RAPGEF1: variants seen among roughly 807,000 people sequenced by gnomAD.
RAPGEF1 encodes the protein CRK SH3-binding GNRP.
Under a neutral mutation model 143.3 loss-of-function variants are expected in RAPGEF1, and 33 were observed. The ratio of observed to expected loss-of-function variants is 0.23; its 90% CI spans 0.17 to 0.31. The LOEUF (loss-of-function observed/expected upper bound fraction) is 0.31. Ranked by LOEUF, RAPGEF1 falls within the 10% of genes least tolerant of loss-of-function variation. The pLI is 1.00. For missense variants in RAPGEF1, 1,199 were observed against 1,645.4 expected (o/e 0.73, Z 4.69); for synonymous variants, 629 against 676.5 (o/e 0.93, Z 1.09).
chr9:131,640,116 C>T (rs996400936), intron 4 of RAPGEF1, among the ~76,000 whole-genome samples: 2 of 152,232 alleles, frequency 1.3e-5, no homozygotes, highest in African/African-American at 4.8e-5. Context: ...GAACTACTCT[C>T]TTAGGAAAGA....
intron 1 of RAPGEF1, among the ~76,000 whole-genome samples, chr9:131,672,720 T>G (rs1040469770): frequency 1.3e-5 from 2 of 152,186 alleles, no homozygotes; most frequent in African/African-American, 4.8e-5. Context: ...AGTTCTAATC[T>G]CATCTCAGAT....
intron 1 of RAPGEF1, among the ~76,000 whole-genome samples, chr9:131,664,900 G>A (rs1040817358): frequency 3.3e-5 from 5 of 152,106 alleles, no homozygotes; most frequent in African/African-American, 4.8e-5. Context: ...CATAACTTCT[G>A]TTTTATCCCT....
intron 15 of RAPGEF1, among the ~76,000 whole-genome samples, chr9:131,599,496 G>A (rs1034694794): frequency 5.3e-5 from 8 of 151,588 alleles, no homozygotes; most frequent in East Asian, 1.9e-4. Flanking sequence ...AAGCCCAGAA[G>A]GGTACCATGA....
At chr9:131,681,922 C>T (rs1324392627) in intron 1 of RAPGEF1, among the ~76,000 whole-genome samples, 1 of 152,164 alleles carries the variant, frequency 6.6e-6, no homozygotes, top group Non-Finnish European at 1.5e-5. Context: ...GATTCGGCTG[C>T]TCAGGATATA....
intron 1 of RAPGEF1, among the ~76,000 whole-genome samples, chr9:131,703,412 G>A (rs1834813994): frequency 6.6e-6 from 1 of 152,122 alleles, no homozygotes; most frequent in Non-Finnish European, 1.5e-5. Flanking sequence ...AAAATTAAAT[G>A]TAACTTCTCT....
Position 131,577,783 on chromosome 9 carries a change from C to CCCGCAAGACCA in RAPGEF1, c.*1703_*1713dup, listed in dbSNP as rs1951365880. The CCCGCAAGACCA allele has an allele frequency of 6.6e-6, 1 of 152,172 alleles. No homozygotes were observed. The highest frequency in any genetic ancestry group is 1.5e-5 in the Non-Finnish European group (1 of 68,050). 9.4% of individuals were successfully genotyped at this position (152,172 alleles called of 1,614,324 possible). ...AATAAAGTGACAGGTCCCGGCTGGC[C>CCCGCAAGACCA]CCGCAAGACCACCGCAAGAGGGGGT... On this transcript the variant is annotated 3_prime_UTR_variant, in exon 27 of 27. Coordinates refer to ENST00000683357, the MANE Select transcript of RAPGEF1 (RefSeq NM_001377935.1).
chr9:131,624,896 TGAG>T (rs1962477778), intron 10 of RAPGEF1, among the ~76,000 whole-genome samples: 2 of 152,214 alleles, frequency 1.3e-5, no homozygotes, highest in Admixed American at 1.3e-4. Flanking sequence ...CAACACCCAC[TGAG>T]GAGCTGGGGA....
At chr9:131,711,716 G>A (rs1589079314) in intron 1 of RAPGEF1, among the ~76,000 whole-genome samples, 4 of 152,306 alleles carry the variant, frequency 2.6e-5, no homozygotes, top group Admixed American at 2.6e-4. Context: ...CAGATATCTG[G>A]CTTCGGTCAA....
At position 131,579,487 on chromosome 9, in the gene RAPGEF1, G is replaced by C. The variant is rs760163451; in HGVS notation, c.*10C>G. ...CCCTCGAGCATTCTCCTGGATCCCG[G>C]CGTCTGCTCCTAGGTCTTCTCTTCC... On this transcript the variant is annotated 3_prime_UTR_variant, in exon 27 of 27. Transcript: ENST00000683357. 1.2e-6 allele frequency: 2 copies of C among 1,613,242 alleles called. No homozygotes were observed. The highest frequency in any genetic ancestry group is 8.5e-7 in the Non-Finnish European group (1 of 1,179,484).
In RAPGEF1 at chr9:131,596,321, T is replaced by C. The variant is rs940057478; in HGVS notation, c.2666A>G (p.His889Arg). ...RGGSGDILLV[H>R]ATETDRKDLV... Reference sequence around the variant, plus strand: ...ACCTTTCCTGTCAGTCTCAGTAGCATGGACCAGTAAGATGTCCCCAGATCC... The same window carrying C: ...ACCTTTCCTGTCAGTCTCAGTAGCACGGACCAGTAAGATGTCCCCAGATCC... Residue 889 changes from histidine to arginine, a missense_variant, in exon 17 of 27, where the codon CAT becomes CGT. This residue lies in a region of RAPGEF1 where 209 missense variants were observed against 403.0 expected (regional missense o/e 0.52). Transcript: ENST00000683357. 3 of 1,613,866 alleles carry C rather than the reference T, an allele frequency of 1.9e-6. No homozygotes were observed. The highest frequency in any genetic ancestry group is 2.5e-6 in the Non-Finnish European group (3 of 1,179,882).
intron 1 of RAPGEF1, among the ~76,000 whole-genome samples, chr9:131,657,736 CG>C (rs1972871657): frequency 6.6e-6 from 1 of 152,210 alleles, no homozygotes; most frequent in East Asian, 1.9e-4. Flanking sequence ...GCTCGAGAAG[CG>C]GATGGATTCC....
intron 1 of RAPGEF1, among the ~76,000 whole-genome samples, chr9:131,654,970 C>A (rs1972067117): frequency 2.0e-5 from 3 of 152,188 alleles, no homozygotes; most frequent in Non-Finnish European, 4.4e-5. Flanking sequence ...AAAAAGCACT[C>A]CCTCTGTCAA....
chr9:131,592,298 T>TG, intron 17 of RAPGEF1, 115 bp from the exon 18 acceptor site: 1 of 795,122 alleles, frequency 1.3e-6, no homozygotes, highest in Non-Finnish European at 2.1e-6. Context: ...GCACGGGGAG[T>TG]GGGATGGGCG....
rs751177054 is a variant in RAPGEF1, at chr9:131,650,107, T to C, written c.315+22A>G. On this transcript the variant is annotated intron_variant, in intron 3 of 26. Coordinates refer to ENST00000683357, the MANE Select transcript of RAPGEF1 (RefSeq NM_001377935.1). This position sits in a 1 kb window ranked among gnomAD's most constrained non-coding sequence, Gnocchi z 4.7. ...GCAGTAGAAGGCAAGGCAAACCCAA[T>C]TGTTCTTAATGTTACACTGACCTTC... 38 of 1,579,392 alleles carry C rather than the reference T, an allele frequency of 2.4e-5. No individual in the cohort carries two copies. The highest frequency in any genetic ancestry group is 5.6e-5 in the South Asian group (5 of 89,116).
At chr9:131,594,332 G>A (rs73559629) in intron 17 of RAPGEF1, among the ~76,000 whole-genome samples, 5,690 of 152,296 alleles carry the variant, frequency 0.037, 347 homozygotes, top group African/African-American at 0.13. Context: ...CGGAAGCTCC[G>A]GGGCTAAGTG....
intron 5 of RAPGEF1, among the ~76,000 whole-genome samples, chr9:131,636,945 G>C (rs1966518853): frequency 6.6e-6 from 1 of 152,212 alleles, no homozygotes; most frequent in African/African-American, 2.4e-5. Context: ...ACATGGGGAG[G>C]CTGGGCGCAG....
intron 18 of RAPGEF1, among the ~76,000 whole-genome samples, chr9:131,590,925 T>C (rs1219181663): frequency 2.0e-5 from 3 of 152,180 alleles, no homozygotes; most frequent in Non-Finnish European, 4.4e-5. Flanking sequence ...TTTCCTCAAT[T>C]ACACAATAGG....
chr9:131,597,318 A>G (rs368796597), intron 16 of RAPGEF1, among the ~76,000 whole-genome samples: 2 of 152,274 alleles, frequency 1.3e-5, no homozygotes, highest in African/African-American at 4.8e-5. Context: ...TAAGGAAGAA[A>G]TTTATGGCAA....
intron 1 of RAPGEF1, among the ~76,000 whole-genome samples, chr9:131,659,476 C>T (rs1028510725): frequency 1.3e-5 from 2 of 151,984 alleles, no homozygotes; most frequent in Admixed American, 6.6e-5. Context: ...ATCTCAGCCT[C>T]CCAAAGTGCT....
Sources: allele counts gnomAD v4.1 joint callset (sites outside exome capture counted in the v4.1 genomes callset), GRCh38; gene constraint gnomAD v4.1.1; regional missense constraint gnomAD v4.1.1; non-coding constraint Gnocchi (gnomAD v3.1); transcripts MANE v1.5; gene names NCBI Gene and HGNC (gene_info 2026-07-23, HGNC 2026-07-21).